RARB: variants seen among roughly 807,000 people sequenced by gnomAD.
The protein encoded by RARB is retinoic acid receptor beta, also known as HBV-activated protein.
Under a neutral mutation model 51.9 loss-of-function variants are expected in RARB, and 17 were observed. The ratio of observed to expected loss-of-function variants is 0.33; its 90% CI spans 0.22 to 0.49. RARB has a LOEUF of 0.49. Among genes scored for constraint, RARB ranks in the 20% least tolerant of loss-of-function variants. RARB has a pLI of 0.99. For missense variants in RARB, 369 were observed against 550.8 expected (o/e 0.67, Z 3.30); for synonymous variants, 215 against 195.4 (o/e 1.10, Z -0.84).
intron 5 of RARB, among the ~76,000 whole-genome samples, chr3:25,236,816 G>A (rs1702312090): frequency 6.6e-6 from 1 of 151,718 alleles, no homozygotes. Context: ...AGAGTGCTAG[G>A]AACTTTTTTG....
At chr3:25,380,242 C>T (rs982640760) in intron 5 of RARB, among the ~76,000 whole-genome samples, 19 of 152,156 alleles carry the variant, frequency 1.2e-4, no homozygotes, top group African/African-American at 4.3e-4. Context: ...ACAGGATCCT[C>T]GCATGCAGGA....
intron 3 of RARB, among the ~76,000 whole-genome samples, chr3:25,094,211 T>C (rs949837930): frequency 3.9e-5 from 6 of 152,190 alleles, no homozygotes; most frequent in Non-Finnish European, 8.8e-5. Flanking sequence ...AATGCTGTTT[T>C]CCAGCTTATC....
intron 2 of RARB, among the ~76,000 whole-genome samples, chr3:25,043,164 AAT>A (rs1698147590): frequency 6.6e-6 from 1 of 152,220 alleles, no homozygotes; most frequent in South Asian, 2.1e-4. Context: ...ATCTTTTTTT[AAT>A]AGTCATAACT....
chr3:25,366,271 T>C (rs1353067246), intron 5 of RARB, among the ~76,000 whole-genome samples: 1 of 152,156 alleles, frequency 6.6e-6, no homozygotes, highest in Non-Finnish European at 1.5e-5. Flanking sequence ...TAACAAGTAG[T>C]AGAGAAAAGA....
At chr3:24,983,157 G>A (rs1205650474) in intron 2 of RARB, among the ~76,000 whole-genome samples, 1 of 152,150 alleles carries the variant, frequency 6.6e-6, no homozygotes, top group East Asian at 1.9e-4. Flanking sequence ...GTGAGCATTT[G>A]TAGCTGTCAC....
At chr3:24,956,363 T>C (rs1018699044) in intron 2 of RARB, among the ~76,000 whole-genome samples, 5 of 152,188 alleles carry the variant, frequency 3.3e-5, no homozygotes. Flanking sequence ...ATATATACCA[T>C]GTACTCAACA....
In RARB at chr3:25,016,253, T is replaced by C. The variant is rs542370644; in HGVS notation, c.-379-43872T>C. ...GCATGATTGTGGGATTAAGATACTA[T>C]ACTAACTCATGTCCAAGGAAAGCTA... On this transcript the variant is annotated intron_variant, in intron 2 of 11. Transcript: ENST00000383772. Among the ~76,000 whole-genome samples, 3 of 152,334 alleles carry C rather than the reference T, an allele frequency of 2.0e-5. No homozygotes were observed. The South Asian group carries it at 6.2e-4, about 32-fold the overall frequency.
intron 4 of RARB, among the ~76,000 whole-genome samples, chr3:25,152,521 A>G (rs1274168642): frequency 6.6e-6 from 1 of 152,196 alleles, no homozygotes; most frequent in African/African-American, 2.4e-5. Flanking sequence ...CATTTGATAT[A>G]ATTAAACACT....
chr3:25,387,595 C>T (rs1232922414), intron 5 of RARB, among the ~76,000 whole-genome samples: 1 of 152,104 alleles, frequency 6.6e-6, no homozygotes, highest in Non-Finnish European at 1.5e-5. Context: ...AGGCTCCCTC[C>T]CCACGAGTCT....
chr3:25,576,309 A>T (rs1700926517), intron 4 of RARB, among the ~76,000 whole-genome samples: 1 of 152,158 alleles, frequency 6.6e-6, no homozygotes. Context: ...TCTGGCTGGA[A>T]GGCTTCGGCA....
At chr3:24,899,103 T>C (rs570368719) in intron 2 of RARB, among the ~76,000 whole-genome samples, 54 of 152,296 alleles carry the variant, frequency 3.5e-4, no homozygotes, top group South Asian at 2.7e-3. Context: ...TGACCTTCCA[T>C]TGGGACCAGT....
chr3:25,100,968 G>T (rs558117401), intron 3 of RARB, among the ~76,000 whole-genome samples: 1 of 152,298 alleles, frequency 6.6e-6, no homozygotes, highest in African/African-American at 2.4e-5. Context: ...TCATGCAATT[G>T]AAATCATGGA....
At chr3:25,509,285 C>G (rs938623592) in intron 3 of RARB, among the ~76,000 whole-genome samples, 8 of 152,202 alleles carry the variant, frequency 5.3e-5, no homozygotes, top group African/African-American at 1.9e-4. Context: ...GTGGATTGGA[C>G]TCATGGGGTA....
chr3:25,362,715 G>A (rs563528120), intron 5 of RARB, among the ~76,000 whole-genome samples: 3 of 152,308 alleles, frequency 2.0e-5, no homozygotes, highest in Non-Finnish European at 4.4e-5. Context: ...GCTTCCCTTG[G>A]TTAGGGGAGG....
At chr3:25,236,647 C>T (rs1195872631) in intron 5 of RARB, among the ~76,000 whole-genome samples, 1 of 151,974 alleles carries the variant, frequency 6.6e-6, no homozygotes. Flanking sequence ...GTGCTCCGAA[C>T]AATTAATATA....
chr3:25,429,472 T>C (rs1018016026), intron 1 of RARB, among the ~76,000 whole-genome samples: 2 of 152,226 alleles, frequency 1.3e-5, no homozygotes, highest in African/African-American at 4.8e-5. Flanking sequence ...GGAAAGGCAA[T>C]ATTTCTTAGC....
rs1553638177 is a variant in RARB at position 25,597,288 on chromosome 3, C to CAGAAG, written c.*677_*681dup. On this transcript the variant is annotated 3_prime_UTR_variant, in exon 8 of 8. Transcript: ENST00000330688. ...AAAGTATACAAATTCCCTGCACTAG[C>CAGAAG]AGAAGAGAATTCTGTATCAGTGTAA... 6.6e-6 allele frequency: 1 copy of CAGAAG among 152,586 alleles called. No homozygotes were observed. The highest frequency in any genetic ancestry group is 1.5e-5 in the Non-Finnish European group (1 of 68,036). The allele number at this position is 152,586 out of a possible 1,614,324, so 9.5% of individuals were successfully genotyped here.
chr3:25,445,197 G>A (rs1338120389), intron 1 of RARB, among the ~76,000 whole-genome samples: 2 of 151,934 alleles, frequency 1.3e-5, no homozygotes, highest in African/African-American at 4.8e-5. Context: ...CAATCTGCCC[G>A]CCTCAGCCTC....
At chr3:25,066,253 G>C (rs1042640774) in intron 3 of RARB, among the ~76,000 whole-genome samples, 1 of 152,124 alleles carries the variant, frequency 6.6e-6, no homozygotes, top group Admixed American at 6.5e-5. Context: ...TTTCATAAGA[G>C]GTTGTTTATT....
Sources: gnomAD v4.1 joint callset for allele counts (sites outside exome capture counted in the v4.1 genomes callset) on GRCh38, gnomAD v4.1.1 for gene constraint, MANE v1.5 for transcripts, NCBI Gene and HGNC (gene_info 2026-07-23, HGNC 2026-07-21) for gene names.